PTGIR: variants seen among roughly 807,000 people sequenced by gnomAD.
The protein encoded by PTGIR is prostaglandin I2 receptor, also known as prostacyclin receptor.
Under a neutral mutation model 17.6 loss-of-function variants are expected in PTGIR, and 16 were observed. That is an observed-to-expected ratio of 0.91 (90% CI 0.61 to 1.38). The LOEUF is 1.38. Ranked by LOEUF, PTGIR falls within the 40% of genes most tolerant of loss-of-function variation. The pLI, the probability that PTGIR is intolerant of heterozygous loss-of-function variation, is 0.00. For synonymous variants in PTGIR, 274 were observed against 255.4 expected, an observed-to-expected ratio of 1.07 and a Z score of -0.69; for missense variants, 532 against 548.6, an observed-to-expected ratio of 0.97 and a Z score of 0.30.
intron 1 of PTGIR, chr19:46,624,642 A>T (rs1383692456): frequency 1.3e-5 from 2 of 157,324 alleles, no homozygotes; most frequent in African/African-American, 4.8e-5. Flanking sequence ...TTCAGTAGAG[A>T]CGGGGTTCCA....
downstream of PTGIR, among the ~76,000 whole-genome samples, chr19:46,620,163 G>T (rs900596208): frequency 6.6e-6 from 1 of 152,290 alleles, no homozygotes. Context: ...CCAGTGGCAC[G>T]ATCTCAGCTC....
downstream of PTGIR, among the ~76,000 whole-genome samples, chr19:46,619,640 A>AGAAAGAAAGAAG (rs1491139508): frequency 4.3e-5 from 6 of 139,126 alleles, no homozygotes; most frequent in African/African-American, 1.7e-4. Flanking sequence ...AAAGAAAGAA[A>AGAAAGAAAGAAG]GAAAGAAAGA....
At chr19:46,613,428 C>T in the PTGIR span, among the ~76,000 whole-genome samples, 7 of 149,746 alleles carry the variant, frequency 4.7e-5, no homozygotes, top group African/African-American at 1.7e-4. Context: ...CTTCCGCCTC[C>T]CAGGTTCAAG....
chr19:46,619,548 A>AGG (rs1568675505), downstream of PTGIR, among the ~76,000 whole-genome samples: 1 of 74,996 alleles, frequency 1.3e-5, no homozygotes, highest in African/African-American at 5.2e-5. Flanking sequence ...AAAGAAAGAA[A>AGG]GAGAGAGAGA....
the PTGIR span, chr19:46,614,527 G>A: frequency 5.9e-6 from 4 of 682,308 alleles, no homozygotes; most frequent in Non-Finnish European, 7.2e-6. Context: ...ACTAGGGCAG[G>A]CGCCTAGAGC....
In PTGIR at chr19:46,623,728, G is replaced by T. The variant is rs754665697; in HGVS notation, c.498C>A (p.Pro166=). 6.3e-7 allele frequency: 1 copy of T among 1,590,238 alleles called. No homozygotes were observed. ...LGLGQHQQYC[P]GSWCFLRMRW... ...GCATGCGGAGGAAGCACCAGCTGCC[G>T]GGGCAGTACTGCTGGTGTTGGCCCA... Residue 166 remains proline (P), a synonymous_variant, in exon 2 of 3, where the codon CCC becomes CCA. Coordinates refer to ENST00000291294, the MANE Select transcript of PTGIR (RefSeq NM_000960.4).
chr19:46,617,051 G>A (rs1015572012), downstream of PTGIR, among the ~76,000 whole-genome samples: 2 of 152,242 alleles, frequency 1.3e-5, no homozygotes, highest in African/African-American at 4.8e-5. Flanking sequence ...GATGGAAAAG[G>A]GAAAAAACAG....
rs1568679612 is a variant in PTGIR, at chr19:46,623,479, G to T, written c.747C>A (p.Ala249=). ...ILLALMTVVM[A]VCSLPLTIRC... ...TCACCGTGAGAGGCAGGGAGCACAC[G>T]GCCATGACCACTGTCATGAGGGCCA... The change falls in exon 2 of 3, where the codon GCC becomes GCA. Residue 249 remains alanine (A), a synonymous_variant. Transcript: ENST00000291294. 6.4e-7 allele frequency: 1 copy of T among 1,570,266 alleles called. No individual in the cohort carries two copies. The highest frequency in any genetic ancestry group is 1.8e-5 in the Admixed American group (1 of 54,352).
intron 1 of PTGIR, 49 bp from the exon 2 acceptor site, chr19:46,624,286 A>G: frequency 7.1e-7 from 1 of 1,403,228 alleles, no homozygotes; most frequent in Non-Finnish European, 9.2e-7. Context: ...GGCTACCCCC[A>G]CCACCCAGCC....
chr19:46,611,346 T>C, the PTGIR span, among the ~76,000 whole-genome samples: 1 of 152,092 alleles, frequency 6.6e-6, no homozygotes, highest in East Asian at 1.9e-4. Flanking sequence ...GGTGAGCCTC[T>C]TGATGCTTTG....
At chr19:46,614,722 C>T in the PTGIR span, among the ~76,000 whole-genome samples, 10 of 152,200 alleles carry the variant, frequency 6.6e-5, no homozygotes, top group African/African-American at 2.2e-4. Context: ...ACTAAAAATA[C>T]AAAAATTAGC....
Position 46,621,418 on chromosome 19 carries a change from T to C in PTGIR, c.1023A>G (p.Gly341=). 1 of 1,609,528 alleles carries C rather than the reference T, an allele frequency of 6.2e-7. No homozygotes were observed. Among genetic ancestry groups the C allele is most frequent in the East Asian group, 2.2e-5 (1 of 44,770 alleles). The change falls in exon 3 of 3, where the codon GGA becomes GGG. Residue 341 remains glycine, a synonymous_variant. Transcript: ENST00000291294. The surrounding 1 kb of genome is among the most constrained non-coding windows in gnomAD (Gnocchi z 4.8). Reference sequence around the variant, plus strand: ...ACAAAGGCACGCAGCTCCCCTCCTTTCCCACAGGAGCAGAGGGGGCCCTTG... The same window carrying C: ...ACAAAGGCACGCAGCTCCCCTCCTTCCCCACAGGAGCAGAGGGGGCCCTTG... ...RDPRAPSAPV[G]KEGSCVPLSA... is the part of the protein sequence containing the mutation.
At chr19:46,615,314 G>A in the PTGIR span, among the ~76,000 whole-genome samples, 2 of 152,216 alleles carry the variant, frequency 1.3e-5, no homozygotes, top group Non-Finnish European at 2.9e-5. Context: ...TATAAAGGAG[G>A]ACGTATGTAG....
At chr19:46,619,539 AAGAAAGAAAGAG>A (rs1286039894), downstream of PTGIR, among the ~76,000 whole-genome samples, 34 of 65,540 alleles carry the variant, frequency 5.2e-4, 1 homozygote, top group Non-Finnish European at 8.1e-4. Context: ...GAAAGAAAGA[AAGAAAGAAAGAG>A]AGAGAGAGAG....
the PTGIR span, among the ~76,000 whole-genome samples, chr19:46,613,743 G>A: frequency 6.6e-6 from 1 of 152,212 alleles, no homozygotes; most frequent in Non-Finnish European, 1.5e-5. Flanking sequence ...TTGCCGGCAG[G>A]AGTCACTAGA....
the PTGIR span, among the ~76,000 whole-genome samples, chr19:46,615,142 T>A: frequency 6.6e-6 from 1 of 152,224 alleles, no homozygotes; most frequent in African/African-American, 2.4e-5. Flanking sequence ...TGAGCCGAGA[T>A]TGTGCCACTG....
the PTGIR span, among the ~76,000 whole-genome samples, chr19:46,613,365 C>G: frequency 7.3e-6 from 1 of 136,230 alleles, no homozygotes; most frequent in Admixed American, 7.3e-5. Flanking sequence ...CATGCCCCCC[C>G]TTCCCCCCCA....
In PTGIR at chr19:46,624,180, C is replaced by T; in HGVS notation, c.46G>A (p.Gly16Arg). 1 of 1,485,446 alleles carries T rather than the reference C, an allele frequency of 6.7e-7. No individual in the cohort carries two copies. Among genetic ancestry groups the T allele is most frequent in the Non-Finnish European group, 8.9e-7 (1 of 1,125,170 alleles). 92.0% of individuals were successfully genotyped at this position (1,485,446 alleles called of 1,614,324 possible). ...RNLTYVRGSV[G>R]PATSTLMFVA... ...AACATCAGGGTGCTGGTGGCCGGCC[C>T]CACCGAGCCCCGCACGTAGGTGAGG... The change falls in exon 2 of 3, where the codon GGG (glycine) becomes AGG (arginine). Residue 16 changes from glycine to arginine, a missense_variant. By Grantham distance (125) the Gly-to-Arg change is moderately radical (BLOSUM62 -2). Coordinates refer to ENST00000291294, the MANE Select transcript of PTGIR (RefSeq NM_000960.4).
At position 46,621,961 on chromosome 19, in the gene PTGIR, T is replaced by A. The variant is rs1599771608; in HGVS notation, c.769-289A>T. The A allele has an allele frequency of 8.2e-7, 1 of 1,214,674 alleles. No homozygotes were observed. The highest frequency in any genetic ancestry group is 1.5e-5 in the African/African-American group (1 of 64,918). The allele number at this position is 1,214,674 out of a possible 1,614,324, so 75.2% of individuals were successfully genotyped here. On this transcript the variant is annotated intron_variant, in intron 2 of 2. Coordinates refer to ENST00000291294, the MANE Select transcript of PTGIR (RefSeq NM_000960.4). The surrounding 1 kb of genome is among the most constrained non-coding windows in gnomAD (Gnocchi z 4.8). ...GCTCCACAGATTTTTGAGTATAACG[T>A]CCCTGCAAGAAGGTGGCGCCACCCG...
Sources: gnomAD v4.1 joint callset for allele counts (sites outside exome capture counted in the v4.1 genomes callset) on GRCh38, gnomAD v4.1.1 for gene constraint, Gnocchi (gnomAD v3.1) non-coding constraint, MANE v1.5 for transcripts, NCBI Gene and HGNC (gene_info 2026-07-23, HGNC 2026-07-21) for gene names.